Variants in SIDT1 observed in about 807,000 individuals in gnomAD.
SIDT1 encodes the protein SID1 transmembrane family, member 1.
In SIDT1, 101 loss-of-function variants were observed where a neutral mutation model predicts 107.5. The observed-to-expected ratio is 0.94, with a 90% CI of 0.80 to 1.11. The LOEUF is 1.11. Among genes scored for constraint, SIDT1 ranks in the 50% least tolerant of loss-of-function variants. The pLI, the probability that SIDT1 is intolerant of heterozygous loss-of-function variation, is 0.00. For missense variants in SIDT1, 1,076 were observed against 1,058.2 expected (o/e 1.02, Z -0.23); for synonymous variants, 395 against 398.2 (o/e 0.99, Z 0.10).
At chr3:113,537,139 G>A (rs1447503314) in intron 1 of SIDT1, among the ~76,000 whole-genome samples, 1 of 152,214 alleles carries the variant, frequency 6.6e-6, no homozygotes, top group Non-Finnish European at 1.5e-5. Flanking sequence ...TGTCTTCTCT[G>A]AGGTTTTCCT....
chr3:113,546,371 CT>C lies in SIDT1; in HGVS notation c.222+13137del, dbSNP rs5851900. Among the ~76,000 whole-genome samples, 33 of 151,876 alleles carry C rather than the reference CT, an allele frequency of 2.2e-4. No individual in the cohort carries two copies. The South Asian group carries it at 3.5e-3, about 16-fold the overall frequency. ...AAATTTTACTGTTGCTTTAAAACTA[CT>C]TTTTTTTTCTTCCTTTTTAGAAGAT... On this transcript the variant is annotated intron_variant, in intron 1 of 24. Transcript: ENST00000264852.
At chr3:113,610,403 G>C (rs1945648900) in intron 17 of SIDT1, among the ~76,000 whole-genome samples, 1 of 152,178 alleles carries the variant, frequency 6.6e-6, no homozygotes, top group Admixed American at 6.5e-5. Flanking sequence ...GTTTATTACT[G>C]TCAGACACTT....
downstream of SIDT1, among the ~76,000 whole-genome samples, chr3:113,630,074 A>G (rs1432226829): frequency 2.0e-5 from 3 of 152,070 alleles, no homozygotes; most frequent in Admixed American, 6.5e-5. Context: ...GACAGTGTCT[A>G]TGCTAACTCT....
At position 113,585,206 on chromosome 3, in the gene SIDT1, A is replaced by C. The variant is rs763753620; in HGVS notation, c.937A>C (p.Ser313Arg). 9.3e-6 allele frequency: 15 copies of C among 1,613,410 alleles called. No individual in the cohort carries two copies. Among genetic ancestry groups the C allele is most frequent in the Non-Finnish European group, 1.3e-5 (15 of 1,179,642 alleles). The change falls in exon 9 of 25, where the codon AGT (serine) becomes CGT (arginine). Residue 313 changes from serine to arginine, a missense_variant. By Grantham distance (110) the Ser-to-Arg change is moderately radical (BLOSUM62 -1). Transcript: ENST00000264852. ...ESVYVKSSLF[S>R]VFIFLSFYLG... ...TGTTTATGTGAAATCCAGTCTTTTC[A>C]GTGTCTTCATCTTCCTGTCCTTCTA...
At position 113,602,976 on chromosome 3, in the gene SIDT1, TG is replaced by T. The variant is rs763324954; in HGVS notation, c.1118-28del. ...GGCTCCGTAGGCTCTCCACGGCTTT[TG>T]ATGGCAGATGAGTTGTCTCTGTTTC... On this transcript the variant is annotated intron_variant, in intron 11 of 24. Coordinates refer to ENST00000264852, the MANE Select transcript of SIDT1 (RefSeq NM_017699.3). 8.1e-6 allele frequency: 13 copies of T among 1,610,784 alleles called. No homozygotes were observed. In the Admixed American group the frequency reaches 1.5e-4, roughly 19 times the overall value.
chr3:113,567,884 C>A (rs1942067991), intron 3 of SIDT1, 174 bp downstream of exon 3: 2 of 606,568 alleles, frequency 3.3e-6, no homozygotes, highest in Non-Finnish European at 5.5e-6. Context: ...TTAATCTATA[C>A]AAAAGAGTGG....
At chr3:113,554,787 C>A (rs13074313) in intron 1 of SIDT1, among the ~76,000 whole-genome samples, 22,507 of 152,100 alleles carry the variant, frequency 0.15, 1,764 homozygotes, top group Non-Finnish European at 0.18. Context: ...CAACACCAAG[C>A]ACTTACTTTC....
chr3:113,625,174 T>C (rs1168542029), intron 23 of SIDT1, among the ~76,000 whole-genome samples: 1 of 151,636 alleles, frequency 6.6e-6, no homozygotes, highest in Non-Finnish European at 1.5e-5. Context: ...TCTCCCTCTG[T>C]CTCCCAGGCT....
At chr3:113,535,712 A>G (rs1358279654) in intron 1 of SIDT1, among the ~76,000 whole-genome samples, 1 of 152,242 alleles carries the variant, frequency 6.6e-6, no homozygotes, top group Non-Finnish European at 1.5e-5. Flanking sequence ...TTTTAGTGCC[A>G]GTATTCTCAA....
chr3:113,587,654 T>A (rs1943841979), intron 9 of SIDT1, among the ~76,000 whole-genome samples: 1 of 152,224 alleles, frequency 6.6e-6, no homozygotes, highest in Non-Finnish European at 1.5e-5. Context: ...AAGTAGATTA[T>A]CTCATCTGAT....
rs1396438647 is a variant in SIDT1 at position 113,584,711 on chromosome 3, G to C, written c.849G>C (p.Gln283His). Residue 283 changes from glutamine to histidine, a missense_variant, in exon 8 of 25, where the codon CAG (glutamine) becomes CAC (histidine). Coordinates refer to ENST00000264852, the MANE Select transcript of SIDT1 (RefSeq NM_017699.3). ...GSFFIQEKEN[Q>H]TWNLQRKKNL... ...TTTTTAAACCAGAAAAGGAAAACCAGACCTGGAATCTACAGCGAAAAAAGA... is the reference window on the plus strand; with the variant it reads ...TTTTTAAACCAGAAAAGGAAAACCACACCTGGAATCTACAGCGAAAAAAGA... The C allele has an allele frequency of 4.4e-6, 7 of 1,597,822 alleles. No homozygotes were observed. Among genetic ancestry groups the C allele is most frequent in the Non-Finnish European group, 6.0e-6 (7 of 1,174,808 alleles).
intron 1 of SIDT1, among the ~76,000 whole-genome samples, chr3:113,549,436 T>C (rs144037024): frequency 2.1e-4 from 32 of 152,330 alleles, no homozygotes; most frequent in Non-Finnish European, 4.0e-4. Flanking sequence ...ACCAGAATTT[T>C]GTCTTTTAGC....
chr3:113,554,489 G>C (rs926404229), intron 1 of SIDT1, among the ~76,000 whole-genome samples: 1 of 152,110 alleles, frequency 6.6e-6, no homozygotes, highest in African/African-American at 2.4e-5. Context: ...CGTCTCACAA[G>C]ATCTAATGGC....
chr3:113,539,008 C>G (rs1052280237), intron 1 of SIDT1, among the ~76,000 whole-genome samples: 1 of 152,002 alleles, frequency 6.6e-6, no homozygotes, highest in Non-Finnish European at 1.5e-5. Flanking sequence ...TTTTAATTCT[C>G]TTATTTATTT....
chr3:113,551,211 G>A (rs967572612), intron 1 of SIDT1, among the ~76,000 whole-genome samples: 8 of 152,112 alleles, frequency 5.3e-5, no homozygotes, highest in Admixed American at 2.0e-4. Flanking sequence ...TGTGAATGGT[G>A]CTGCAGTGAA....
downstream of SIDT1, among the ~76,000 whole-genome samples, chr3:113,629,735 G>A (rs1947065872): frequency 6.6e-6 from 1 of 152,168 alleles, no homozygotes; most frequent in South Asian, 2.1e-4. Flanking sequence ...AGCTTGTTTG[G>A]GAAGATGTGA....
chr3:113,617,195 C>A (rs574661218), intron 20 of SIDT1, among the ~76,000 whole-genome samples: 1 of 152,322 alleles, frequency 6.6e-6, no homozygotes, highest in East Asian at 1.9e-4. Flanking sequence ...TCACTCCAGT[C>A]ATGTCCATTA....
chr3:113,558,706 A>C (rs1941134556), intron 1 of SIDT1, among the ~76,000 whole-genome samples: 1 of 152,204 alleles, frequency 6.6e-6, no homozygotes. Flanking sequence ...AATGCTGCTT[A>C]CCCTAATAAG....
At chr3:113,590,937 A>G (rs924534528) in intron 9 of SIDT1, among the ~76,000 whole-genome samples, 2 of 152,244 alleles carry the variant, frequency 1.3e-5, no homozygotes, top group African/African-American at 4.8e-5. Flanking sequence ...ACCTGTGAAT[A>G]TGTTACCTTA....
Sources: allele counts gnomAD v4.1 joint callset (sites outside exome capture counted in the v4.1 genomes callset), GRCh38; gene constraint gnomAD v4.1.1; transcripts MANE v1.5; gene names NCBI Gene and HGNC (gene_info 2026-07-23, HGNC 2026-07-21).